The following ADRA1A variants were observed in gnomAD, a reference collection of about 807,000 sequenced individuals.
ADRA1A encodes the protein adrenoceptor alpha 1A, also known as alpha-1A adrenergic receptor.
In ADRA1A, 31 loss-of-function variants were observed where a neutral mutation model predicts 29.6. The observed-to-expected ratio is 1.05, with a 90% confidence interval of 0.79 to 1.41. The LOEUF is 1.41. ADRA1A is among the 40% of genes most tolerant of loss of function. The pLI, the probability that ADRA1A is intolerant of heterozygous loss-of-function variation, is 0.00. For synonymous variants in ADRA1A, 311 were observed against 254.3 expected (o/e 1.22, Z -2.12); for missense variants, 619 against 601.1 (o/e 1.03, Z -0.31).
At chr8:26,844,226 A>G (rs1353519483) in intron 2 of ADRA1A, among the ~76,000 whole-genome samples, 1 of 152,092 alleles carries the variant, frequency 6.6e-6, no homozygotes, top group Non-Finnish European at 1.5e-5. Context: ...CTACAAATGG[A>G]CTCACCTGAG....
chr8:26,771,313 T>C (rs990526255), intron 2 of ADRA1A, among the ~76,000 whole-genome samples: 11 of 152,254 alleles, frequency 7.2e-5, no homozygotes, highest in Non-Finnish European at 1.2e-4. Flanking sequence ...TTGCTTCACA[T>C]TCGGAGTCCT....
At chr8:26,765,417 G>A (rs1044708187), downstream of ADRA1A, among the ~76,000 whole-genome samples, 1 of 152,156 alleles carries the variant, frequency 6.6e-6, no homozygotes, top group East Asian at 1.9e-4. Flanking sequence ...GGTTCTGGAG[G>A]GCCAGGAGGC....
intron 2 of ADRA1A, among the ~76,000 whole-genome samples, chr8:26,819,090 A>C (rs559820865): frequency 8.5e-5 from 13 of 152,232 alleles, no homozygotes; most frequent in Non-Finnish European, 1.6e-4. Flanking sequence ...CAAAAGCAGC[A>C]AGAGAAAAGC....
intron 2 of ADRA1A, among the ~76,000 whole-genome samples, chr8:26,760,841 C>T (rs1375438673): frequency 6.6e-6 from 1 of 152,226 alleles, no homozygotes; most frequent in Non-Finnish European, 1.5e-5. Context: ...CACTGCTGTG[C>T]TCTGCACACC....
At chr8:26,785,921 G>A (rs6998247) in intron 2 of ADRA1A, among the ~76,000 whole-genome samples, 25,633 of 152,046 alleles carry the variant, frequency 0.17, 2,594 homozygotes, top group East Asian at 0.51. Context: ...GTCTTTCCAC[G>A]TCTCTCCATC....
chr8:26,811,353 C>T lies in ADRA1A; in HGVS notation c.884-40687G>A, dbSNP rs551331035. On this transcript the variant is annotated intron_variant, in intron 2 of 2. Coordinates refer to ENST00000380573, the MANE Select transcript of ADRA1A (RefSeq NM_000680.4). ...GACTACAGGCGCCTGCCACCACCCTCGGAGAATTTTTTGTATTTTTAGTGG... is the reference window on the plus strand; with the variant it reads ...GACTACAGGCGCCTGCCACCACCCTTGGAGAATTTTTTGTATTTTTAGTGG... Among the ~76,000 whole-genome samples, 6 of 152,284 alleles carry T rather than the reference C, an allele frequency of 3.9e-5. No homozygotes were observed. The South Asian group carries it at 1.2e-3, about 32-fold the overall frequency.
At chr8:26,855,465 G>A (rs1428120537) in intron 2 of ADRA1A, among the ~76,000 whole-genome samples, 1 of 149,446 alleles carries the variant, frequency 6.7e-6, no homozygotes, top group African/African-American at 2.4e-5. Flanking sequence ...AAAAAGCACA[G>A]ATAGGAAATT....
intron 2 of ADRA1A, chr8:26,779,305 C>G (rs1563246051): frequency 4.3e-6 from 3 of 702,802 alleles, no homozygotes; most frequent in Admixed American, 2.0e-5. Flanking sequence ...CCACAGGTGT[C>G]TTTCCTTGAA....
chr8:26,865,801 C>G lies in ADRA1A; in HGVS notation c.-686-146G>C, dbSNP rs1585873199. On this transcript the variant is annotated intron_variant, in intron 1 of 2. Coordinates refer to ENST00000380573, the MANE Select transcript of ADRA1A (RefSeq NM_000680.4). This position sits in a 1 kb window ranked among gnomAD's most constrained non-coding sequence, Gnocchi z 7.6. ...CTGCTTCGCCCGGCAGCGGTGGAGGCGACTTCGGAGCTCATCTCGCGCCCC... is the reference window on the plus strand; with the variant it reads ...CTGCTTCGCCCGGCAGCGGTGGAGGGGACTTCGGAGCTCATCTCGCGCCCC... 1.3e-6 allele frequency: 1 copy of G among 766,932 alleles called. No individual in the cohort carries two copies. 47.5% of individuals were successfully genotyped at this position (766,932 alleles called of 1,614,324 possible). A position where few individuals can be genotyped will look rare whatever the true frequency, so the allele number is the denominator to read the frequency against.
At chr8:26,810,139 C>T (rs897332028) in intron 2 of ADRA1A, among the ~76,000 whole-genome samples, 7 of 152,080 alleles carry the variant, frequency 4.6e-5, no homozygotes, top group African/African-American at 7.2e-5. Flanking sequence ...ACTCAGAGGT[C>T]GAATCAATAA....
chr8:26,864,517 C>A lies in ADRA1A; in HGVS notation c.453G>T (p.Trp151Cys). The A allele has an allele frequency of 5.0e-6, 8 of 1,614,016 alleles. No individual in the cohort carries two copies. Among genetic ancestry groups the A allele is most frequent in the Non-Finnish European group, 6.8e-6 (8 of 1,180,032 alleles). Reference sequence around the variant, plus strand: ...CAATGGATATGACCAGGGAGAGTGCCCAGACGCAGAGCAGAGCCATGAGAC... The same window carrying A: ...CAATGGATATGACCAGGGAGAGTGCACAGACGCAGAGCAGAGCCATGAGAC... ...RRGLMALLCV[W>C]ALSLVISIGP... The change falls in exon 2 of 3, where the codon TGG (tryptophan) becomes TGT (cysteine). Residue 151 changes from tryptophan (W) to cysteine (C), a missense_variant. Transcript: ENST00000380573. The surrounding 1 kb of genome is among the most constrained non-coding windows in gnomAD (Gnocchi z 8.1).
At chr8:26,774,784 T>C (rs1331912741) in intron 2 of ADRA1A, among the ~76,000 whole-genome samples, 1 of 152,186 alleles carries the variant, frequency 6.6e-6, no homozygotes, top group Non-Finnish European at 1.5e-5. Context: ...GGGCTGGAAT[T>C]GGGCTTGGAA....
chr8:26,846,014 T>C (rs995801836), intron 2 of ADRA1A, among the ~76,000 whole-genome samples: 3 of 152,186 alleles, frequency 2.0e-5, no homozygotes, highest in African/African-American at 7.2e-5. Flanking sequence ...TGGATAACAT[T>C]GCGAATGTAT....
At chr8:26,760,706 G>A (rs184283828) in intron 2 of ADRA1A, among the ~76,000 whole-genome samples, 378 of 152,210 alleles carry the variant, frequency 2.5e-3, no homozygotes, top group African/African-American at 8.6e-3. Context: ...CCCTCCTCTC[G>A]GAGTCTAGGG....
intron 2 of ADRA1A, among the ~76,000 whole-genome samples, chr8:26,758,600 A>G (rs571109146): frequency 2.1e-4 from 32 of 152,338 alleles, no homozygotes; most frequent in African/African-American, 7.7e-4. Context: ...GTTCAGGGCC[A>G]CTTAAATAGG....
downstream of ADRA1A, chr8:26,768,720 T>G (rs1191601914): frequency 5.1e-6 from 1 of 194,650 alleles, no homozygotes; most frequent in African/African-American, 2.4e-5. Context: ...TATTTGATTA[T>G]GTATATGCAA....
chr8:26,772,883 A>ACACACATG (rs79239280), intron 2 of ADRA1A, among the ~76,000 whole-genome samples: 2,157 of 151,702 alleles, frequency 0.014, 47 homozygotes, highest in African/African-American at 0.047. Flanking sequence ...ACACACACAC[A>ACACACATG]ATGGGTGTTT....
intron 2 of ADRA1A, among the ~76,000 whole-genome samples, chr8:26,845,402 C>A (rs1007897376): frequency 6.6e-6 from 1 of 152,128 alleles, no homozygotes; most frequent in African/African-American, 2.4e-5. Context: ...TATTTCACAC[C>A]CACTAGGATG....
At chr8:26,855,337 G>A (rs1039968744) in intron 2 of ADRA1A, among the ~76,000 whole-genome samples, 5 of 151,848 alleles carry the variant, frequency 3.3e-5, no homozygotes, top group Non-Finnish European at 7.4e-5. Flanking sequence ...TGCATATAGT[G>A]TGAGAAGACT....
Sources: gnomAD v4.1 joint callset for allele counts (sites outside exome capture counted in the v4.1 genomes callset) on GRCh38, gnomAD v4.1.1 for gene constraint, Gnocchi (gnomAD v3.1) non-coding constraint, MANE v1.5 for transcripts, NCBI Gene and HGNC (gene_info 2026-07-23, HGNC 2026-07-21) for gene names.